CACNA1A: variants seen among roughly 807,000 people sequenced by gnomAD.
CACNA1A encodes the protein voltage-dependent P/Q-type calcium channel subunit alpha-1A.
CACNA1A carries 57 observed loss-of-function variants against 262.4 expected under a neutral mutation model. The observed-to-expected ratio is 0.22, with a 90% confidence interval of 0.18 to 0.27. The LOEUF (loss-of-function observed/expected upper bound fraction) is 0.27. CACNA1A is among the 10% of genes least tolerant of loss of function. The pLI is 1.00. For synonymous variants in CACNA1A, 1,431 were observed against 1,419.3 expected, an observed-to-expected ratio of 1.01 and a Z score of -0.18; for missense variants, 2,526 against 3,562.8, an observed-to-expected ratio of 0.71 and a Z score of 7.41.
At chr19:13,462,615 A>G (rs971185374) in intron 1 of CACNA1A, among the ~76,000 whole-genome samples, 29 of 152,166 alleles carry the variant, frequency 1.9e-4, no homozygotes, top group African/African-American at 7.0e-4. Flanking sequence ...CAACATTTCT[A>G]CAAGGTGGGT....
intron 3 of CACNA1A, among the ~76,000 whole-genome samples, chr19:13,387,725 A>G (rs2059640017): frequency 6.6e-6 from 1 of 152,180 alleles, no homozygotes; most frequent in Non-Finnish European, 1.5e-5. Flanking sequence ...GAGAGACCTC[A>G]TGAAGAGAAG....
At chr19:13,335,672 G>A (rs1409353832) in intron 7 of CACNA1A, 134 bp downstream of exon 7, 1 of 681,218 alleles carries the variant, frequency 1.5e-6, no homozygotes, top group Non-Finnish European at 2.6e-6. Context: ...GCTAATAACA[G>A]TCTGGTAACC....
rs1425326094 is a variant in CACNA1A, at chr19:13,212,938, T to A, written c.5941-198A>T. Among the ~76,000 whole-genome samples the A allele has an allele frequency of 6.6e-6, 1 of 152,078 alleles. No individual in the cohort carries two copies. The highest frequency in any genetic ancestry group is 1.5e-5 in the Non-Finnish European group (1 of 68,018). ...CTCCACCCAAGTCATAGCCCCAGCC[T>A]GGTCCCACGTCCTCATCTCTCACTG... On this transcript the variant is annotated intron_variant, in intron 40 of 46. Coordinates refer to ENST00000360228, the MANE Select transcript of CACNA1A (RefSeq NM_001127222.2). The surrounding 1 kb of genome is among the most constrained non-coding windows in gnomAD (Gnocchi z 5.6).
intron 3 of CACNA1A, among the ~76,000 whole-genome samples, chr19:13,372,114 G>A (rs2059333403): frequency 1.3e-5 from 2 of 152,078 alleles, no homozygotes; most frequent in Non-Finnish European, 2.9e-5. Flanking sequence ...GGTGGCCTGG[G>A]GCCCTGGGGG....
chr19:13,332,846 T>C (rs368222770), intron 9 of CACNA1A, 23 bp downstream of exon 9: 1 of 1,557,090 alleles, frequency 6.4e-7, no homozygotes, highest in Non-Finnish European at 8.9e-7. Flanking sequence ...GACCCACCCC[T>C]GAGGTGGGTT....
intron 5 of CACNA1A, among the ~76,000 whole-genome samples, chr19:13,360,292 C>T (rs79457120): frequency 2.5e-4 from 31 of 126,232 alleles, no homozygotes; most frequent in South Asian, 1.8e-3. Flanking sequence ...TATATGAAGA[C>T]AGAGGGGAGA....
At chr19:13,349,388 T>C (rs927532702) in intron 6 of CACNA1A, among the ~76,000 whole-genome samples, 1 of 152,104 alleles carries the variant, frequency 6.6e-6, no homozygotes, top group East Asian at 1.9e-4. Flanking sequence ...CTGTACCCCA[T>C]GAAGTGACCC....
At chr19:13,484,741 C>T (rs536842658) in intron 1 of CACNA1A, among the ~76,000 whole-genome samples, 1 of 152,314 alleles carries the variant, frequency 6.6e-6, no homozygotes, top group South Asian at 2.1e-4. Context: ...AAGCACCTTC[C>T]ACAGGACCTT....
At chr19:13,211,986 C>T (rs2054828269) in intron 43 of CACNA1A, 117 bp downstream of exon 43, 1 of 682,792 alleles carries the variant, frequency 1.5e-6, no homozygotes. Context: ...TGAAGGAGTC[C>T]CTACCCAGGC....
chr19:13,360,173 A>T (rs1464848990), intron 5 of CACNA1A, among the ~76,000 whole-genome samples: 1 of 150,948 alleles, frequency 6.6e-6, no homozygotes, highest in Non-Finnish European at 1.5e-5. Context: ...AATATTTTCT[A>T]ATTTCCATTA....
At chr19:13,305,098 G>T (rs2057873800) in intron 15 of CACNA1A, among the ~76,000 whole-genome samples, 1 of 152,200 alleles carries the variant, frequency 6.6e-6, no homozygotes, top group Non-Finnish European at 1.5e-5. Context: ...GTAGGGGAGA[G>T]GAGAAGTGAG....
At chr19:13,325,717 C>T (rs1307478607) in intron 10 of CACNA1A, among the ~76,000 whole-genome samples, 1 of 152,154 alleles carries the variant, frequency 6.6e-6, no homozygotes, top group East Asian at 1.9e-4. Flanking sequence ...TGTGAGCCAC[C>T]GTGCCCAGCC....
chr19:13,318,202 A>C (rs562750916), intron 10 of CACNA1A, among the ~76,000 whole-genome samples: 2 of 152,308 alleles, frequency 1.3e-5, no homozygotes, highest in South Asian at 4.1e-4. Flanking sequence ...GGTAGGCTGC[A>C]ACATTAAATT....
chr19:13,398,278 AAAG>A (rs1182727666), intron 3 of CACNA1A, among the ~76,000 whole-genome samples: 2 of 152,258 alleles, frequency 1.3e-5, no homozygotes, highest in East Asian at 3.9e-4. Flanking sequence ...AAAAAAAAAA[AAAG>A]AATACACCTT....
At chr19:13,437,691 C>CAAAAAAA (rs35266881) in intron 3 of CACNA1A, among the ~76,000 whole-genome samples, 2 of 64,928 alleles carry the variant, frequency 3.1e-5, no homozygotes, top group Non-Finnish European at 6.6e-5. Flanking sequence ...AACCCCATCT[C>CAAAAAAA]AAAAAAAAAA....
At chr19:13,384,477 C>A (rs1227783658) in intron 3 of CACNA1A, among the ~76,000 whole-genome samples, 1 of 152,180 alleles carries the variant, frequency 6.6e-6, no homozygotes, top group Non-Finnish European at 1.5e-5. Flanking sequence ...GCAGGTGGAT[C>A]CCCTGAGGTT....
At chr19:13,300,413 G>C (rs2057764136) in intron 18 of CACNA1A, 137 bp downstream of exon 18, 3 of 660,338 alleles carry the variant, frequency 4.5e-6, no homozygotes, top group Admixed American at 5.1e-5. Context: ...GAGTGAAAGT[G>C]GGTGGAAGGA....
At chr19:13,254,977 C>G (rs2056505502) in intron 29 of CACNA1A, 118 bp downstream of exon 29, 1 of 1,054,922 alleles carries the variant, frequency 9.5e-7, no homozygotes, top group Non-Finnish European at 1.4e-6. Context: ...AACAAAATCT[C>G]AGAGGTGATC....
intron 10 of CACNA1A, among the ~76,000 whole-genome samples, chr19:13,318,668 T>C (rs1219975467): frequency 2.0e-5 from 3 of 151,750 alleles, no homozygotes; most frequent in Admixed American, 2.0e-4. Flanking sequence ...GCGGGGAGGA[T>C]TTGGGATGAA....
Sources: allele counts gnomAD v4.1 joint callset (sites outside exome capture counted in the v4.1 genomes callset), GRCh38; gene constraint gnomAD v4.1.1; non-coding constraint Gnocchi (gnomAD v3.1); transcripts MANE v1.5; gene names NCBI Gene and HGNC (gene_info 2026-07-23, HGNC 2026-07-21).